CACNA1E: variants seen among roughly 807,000 people sequenced by gnomAD.
The protein encoded by CACNA1E is calcium voltage-gated channel subunit alpha1 E.
In CACNA1E, 40 loss-of-function variants were observed where a neutral mutation model predicts 259.2. That is an observed-to-expected ratio of 0.15 (90% CI 0.12 to 0.20). CACNA1E has a LOEUF of 0.20. Among genes scored for constraint, CACNA1E ranks in the 10% least tolerant of loss-of-function variants. The pLI is 1.00. For synonymous variants in CACNA1E, 1,104 were observed against 1,138.5 expected (o/e 0.97, Z 0.61); for missense variants, 1,874 against 3,040.1 (o/e 0.62, Z 9.02).
intron 7 of CACNA1E, among the ~76,000 whole-genome samples, chr1:181,659,146 AG>A (rs967940496): frequency 1.3e-5 from 2 of 152,078 alleles, no homozygotes; most frequent in African/African-American, 4.8e-5. Flanking sequence ...CAGAAATTAA[AG>A]GGGGAACACA....
chr1:181,761,943 G>A (rs1015784074), intron 32 of CACNA1E, among the ~76,000 whole-genome samples: 1 of 152,198 alleles, frequency 6.6e-6, no homozygotes, highest in Non-Finnish European at 1.5e-5. Context: ...AGCAGAGAAA[G>A]AGTGGAAAGA....
At chr1:181,783,316 C>T (rs535144596) in intron 39 of CACNA1E, among the ~76,000 whole-genome samples, 70 of 152,290 alleles carry the variant, frequency 4.6e-4, no homozygotes, top group South Asian at 4.6e-3. Flanking sequence ...GCCACCTCCC[C>T]GAGCTGACTC....
intron 3 of CACNA1E, among the ~76,000 whole-genome samples, chr1:181,539,509 C>T (rs1668423420): frequency 6.6e-6 from 1 of 152,164 alleles, no homozygotes; most frequent in Non-Finnish European, 1.5e-5. Flanking sequence ...TCCAGCCAAT[C>T]CTTGTCACAT....
Position 181,771,759 on chromosome 1 carries a change from A to T in CACNA1E, c.4974-307A>T. ...GGGAATGTCAGGACAGTGTTTGCAG[A>T]CCAAATTCCACTTAAGGGCTGAAAC... On this transcript the variant is annotated intron_variant, in intron 36 of 47. Transcript: ENST00000367573. 4 of 471,352 alleles carry T rather than the reference A, an allele frequency of 8.5e-6. No individual in the cohort carries two copies. In the South Asian group the frequency reaches 1.2e-4, roughly 14 times the overall value. 29.2% of individuals were successfully genotyped at this position (471,352 alleles called of 1,614,324 possible). A position where few individuals can be genotyped will look rare whatever the true frequency, so the allele number is the denominator to read the frequency against.
intron 7 of CACNA1E, among the ~76,000 whole-genome samples, chr1:181,665,840 G>A (rs567699733): frequency 2.2e-4 from 34 of 152,262 alleles, no homozygotes; most frequent in South Asian, 2.1e-3. Context: ...ACTAAGCTCC[G>A]AAGTGTACAT....
At position 181,485,329 on chromosome 1, in the gene CACNA1E, A is replaced by G. The variant is rs1571986014; in HGVS notation, c.266+1319A>G. ...GCCTGGGCATCTCCCTACTCCCCCA[A>G]CCCCAGTCTCTGGCCTTCCCCTTCT... On this transcript the variant is annotated intron_variant, in intron 1 of 47. Transcript: ENST00000367573. This position sits in a 1 kb window ranked among gnomAD's most constrained non-coding sequence, Gnocchi z 4.2. 6.6e-6 allele frequency among the ~76,000 whole-genome samples: 1 copy of G among 151,882 alleles called. No homozygotes were observed. The highest frequency in any genetic ancestry group is 6.6e-5 in the Admixed American group (1 of 15,258).
At chr1:181,566,991 T>C (rs539638233) in intron 3 of CACNA1E, among the ~76,000 whole-genome samples, 11 of 152,282 alleles carry the variant, frequency 7.2e-5, no homozygotes, top group African/African-American at 2.4e-4. Context: ...ACTACTACCA[T>C]GCATAAGGCA....
intron 2 of CACNA1E, among the ~76,000 whole-genome samples, chr1:181,453,955 T>C (rs1661307251): frequency 6.6e-6 from 1 of 152,236 alleles, no homozygotes; most frequent in Non-Finnish European, 1.5e-5. Flanking sequence ...TATAGGTTAC[T>C]GCTCTCTTTC....
At chr1:181,735,548 G>C (rs1180990736) in intron 21 of CACNA1E, among the ~76,000 whole-genome samples, 1 of 152,224 alleles carries the variant, frequency 6.6e-6, no homozygotes, top group Non-Finnish European at 1.5e-5. Flanking sequence ...ACCGTGTCTT[G>C]AGTATGGAAA....
chr1:181,787,839 G>A (rs1422298816), intron 43 of CACNA1E, among the ~76,000 whole-genome samples: 1 of 152,180 alleles, frequency 6.6e-6, no homozygotes, highest in Non-Finnish European at 1.5e-5. Context: ...CCTAAAAACT[G>A]TCATGATGGT....
At chr1:181,792,074 C>T (rs1051990871) in intron 44 of CACNA1E, among the ~76,000 whole-genome samples, 4 of 152,090 alleles carry the variant, frequency 2.6e-5, no homozygotes, top group African/African-American at 7.3e-5. Context: ...ATTCTCTGCC[C>T]TCCCCTCTGA....
intron 1 of CACNA1E, among the ~76,000 whole-genome samples, chr1:181,359,783 ATTTATTT>A: frequency 6.6e-6 from 1 of 152,316 alleles, no homozygotes; most frequent in Middle Eastern, 3.4e-3. Context: ...ATGTAATTTT[ATTTATTT>A]TTCTATAATA....
rs796980289 is a variant in CACNA1E at position 181,508,038 on chromosome 1, C to T, written c.267-2439C>T. Among the ~76,000 whole-genome samples, 4 of 152,226 alleles carry T rather than the reference C, an allele frequency of 2.6e-5. 1 individual carries two copies. Among genetic ancestry groups the T allele is most frequent in the African/African-American group, 9.6e-5 (4 of 41,538 alleles). ...TGGCAGACAGACCCCCACTTTGTGT[C>T]AGGCTGCCCAGGTATGTTCCTGGGA... On this transcript the variant is annotated intron_variant, in intron 1 of 47. Coordinates refer to ENST00000367573, the MANE Select transcript of CACNA1E (RefSeq NM_001205293.3).
At chr1:181,319,746 G>A (rs1298185732) in intron 1 of CACNA1E, among the ~76,000 whole-genome samples, 1 of 152,188 alleles carries the variant, frequency 6.6e-6, no homozygotes, top group Non-Finnish European at 1.5e-5. Context: ...TGCCCTAAGA[G>A]TGACTGTATT....
At chr1:181,346,782 G>T (rs1246633058) in intron 1 of CACNA1E, among the ~76,000 whole-genome samples, 1 of 152,158 alleles carries the variant, frequency 6.6e-6, no homozygotes, top group Non-Finnish European at 1.5e-5. Context: ...GGACAGGGAG[G>T]CACCTGGCAT....
intron 6 of CACNA1E, among the ~76,000 whole-genome samples, chr1:181,611,796 G>C (rs892803370): frequency 2.6e-5 from 4 of 152,148 alleles, no homozygotes; most frequent in African/African-American, 9.7e-5. Flanking sequence ...CCTATGGTTG[G>C]CAGATTTCTT....
intron 18 of CACNA1E, among the ~76,000 whole-genome samples, chr1:181,730,285 G>A (rs190255714): frequency 7.9e-5 from 12 of 152,342 alleles, no homozygotes; most frequent in Admixed American, 4.6e-4. Context: ...CCACTGGGCT[G>A]GACTGAGTTC....
At chr1:181,638,283 A>T (rs1308645232) in intron 6 of CACNA1E, among the ~76,000 whole-genome samples, 1 of 152,188 alleles carries the variant, frequency 6.6e-6, no homozygotes, top group Non-Finnish European at 1.5e-5. Context: ...TAGGGTATAG[A>T]TATCAAAGGA....
chr1:181,332,007 A>G (rs1389910062), intron 1 of CACNA1E, among the ~76,000 whole-genome samples: 4 of 152,254 alleles, frequency 2.6e-5, no homozygotes, highest in African/African-American at 9.6e-5. Context: ...AATGTGGTAC[A>G]TATACACTAT....
Sources: allele counts gnomAD v4.1 joint callset (sites outside exome capture counted in the v4.1 genomes callset), GRCh38; gene constraint gnomAD v4.1.1; non-coding constraint Gnocchi (gnomAD v3.1); transcripts MANE v1.5; gene names NCBI Gene and HGNC (gene_info 2026-07-23, HGNC 2026-07-21).